The following MBL2 variants were observed in gnomAD, a reference collection of about 807,000 sequenced individuals.
MBL2 encodes mannose binding lectin 2.
A neutral mutation model predicts 12.7 loss-of-function variants in MBL2; 6 were observed. The ratio of observed to expected loss-of-function variants is 0.47; its 90% CI spans 0.26 to 0.94. The LOEUF (loss-of-function observed/expected upper bound fraction) is 0.94, where lower values mean the gene tolerates loss of function less well. Ranked by LOEUF, MBL2 falls within the 40% of genes least tolerant of loss-of-function variation. The pLI is 0.15. For missense variants in MBL2, 307 were observed against 295.2 expected (o/e 1.04, Z -0.29); for synonymous variants, 114 against 112.0 (o/e 1.02, Z -0.11).
chr10:52,768,301 AC>A lies in MBL2; in HGVS notation c.582del (p.Gln194HisfsTer5). On this transcript the variant is annotated frameshift_variant, in exon 5 of 5. Coordinates refer to ENST00000674931, the MANE Select transcript of MBL2 (RefSeq NM_001378373.1). LOFTEE classifies it low-confidence loss of function (END_TRUNC). ...AGTCTATTTCCTGTCAGATCCACAA[AC>A]TGCCCTTCTGTCTTCTCATCAGTGA... The part of the protein sequence containing the change: ...LGITDEKTEG[Q>X]FVDLTGNRLT... 1 of 1,613,842 alleles carries A rather than the reference AC, an allele frequency of 6.2e-7. No homozygotes were observed. Among genetic ancestry groups the A allele is most frequent in the South Asian group, 1.1e-5 (1 of 91,080 alleles).
chr10:52,771,613 G>A lies in MBL2; in HGVS notation c.23C>T (p.Pro8Leu), dbSNP rs1482691555. ...TGCCACCATACTCAGGAGAAGGAGA[G>A]GGAGTGATGGAAACAGGGACATGGT... Reference protein sequence around the residue: MSLFPSLPLLLLSMVAAS... With the variant: MSLFPSLLLLLLSMVAAS... Residue 8 changes from proline (P) to leucine (L), a missense_variant, in exon 2 of 5, where the codon CCT (proline) becomes CTT (leucine). Physicochemically the swap from Pro to Leu is moderately conservative, Grantham distance 98. Coordinates refer to ENST00000674931, the MANE Select transcript of MBL2 (RefSeq NM_001378373.1). 4 of 1,613,830 alleles carry A rather than the reference G, an allele frequency of 2.5e-6. No homozygotes were observed. The highest frequency in any genetic ancestry group is 1.7e-5 in the Admixed American group (1 of 59,996).
Position 52,766,217 on chromosome 10 carries a change from T to C in MBL2, c.*1920A>G, listed in dbSNP as rs1292365803. 1 of 152,144 alleles carries C rather than the reference T, an allele frequency of 6.6e-6. No individual in the cohort carries two copies. The highest frequency in any genetic ancestry group is 2.4e-5 in the African/African-American group (1 of 41,452). The allele number at this position is 152,144 out of a possible 1,614,324, so 9.4% of individuals were successfully genotyped here. A position where few individuals can be genotyped will look rare whatever the true frequency, so the allele number is the denominator to read the frequency against. The stretch of plus-strand genomic sequence containing the variant: ...AAACCTCATCAGGATTTTGTAGAAA[T>C]TGAGAAGCTGTTTCTAATATTTATA... On this transcript the variant is annotated 3_prime_UTR_variant, in exon 5 of 5. Transcript: ENST00000674931.
In MBL2 at chr10:52,768,173, G is replaced by A. The variant is rs1169369851; in HGVS notation, c.711C>T (p.Ser237=). The A allele has an allele frequency of 3.7e-6, 6 of 1,611,206 alleles. No individual in the cohort carries two copies. In the African/African-American group the frequency reaches 6.7e-5, roughly 18 times the overall value. The change falls in exon 5 of 5, where the codon TCC becomes TCT. Residue 237 remains serine (S), a synonymous_variant. Coordinates refer to ENST00000674931, the MANE Select transcript of MBL2 (RefSeq NM_001378373.1). ...KNGQWNDVPC[S]TSHLAVCEFP... Reference sequence around the variant, plus strand: ...ACTCACAGACGGCCAGATGGGAGGTGGAGCAGGGGACGTCATTCCACTGGC... The same window carrying A: ...ACTCACAGACGGCCAGATGGGAGGTAGAGCAGGGGACGTCATTCCACTGGC...
chr10:52,768,168 G>C lies in MBL2; in HGVS notation c.716C>G (p.Ser239Cys), dbSNP rs751367424. The C allele has an allele frequency of 6.2e-7, 1 of 1,610,446 alleles. No individual in the cohort carries two copies. The highest frequency in any genetic ancestry group is 1.1e-5 in the South Asian group (1 of 90,524). The change falls in exon 5 of 5, where the codon TCC (serine) becomes TGC (cysteine). Residue 239 changes from serine to cysteine, a missense_variant. Transcript: ENST00000674931. ...AGGGAACTCACAGACGGCCAGATGG[G>C]AGGTGGAGCAGGGGACGTCATTCCA... ...GQWNDVPCST[S>C]HLAVCEFPI
chr10:52,771,638 T>C lies in MBL2; in HGVS notation c.-3A>G, dbSNP rs1288179625. The C allele has an allele frequency of 6.2e-7, 1 of 1,612,886 alleles. No individual in the cohort carries two copies. Among genetic ancestry groups the C allele is most frequent in the African/African-American group, 1.3e-5 (1 of 74,884 alleles). Reference sequence around the variant, plus strand: ...GGGAGTGATGGAAACAGGGACATGGTCCTCACCTTGGTGTGAGAAAACTCA... The same window carrying C: ...GGGAGTGATGGAAACAGGGACATGGCCCTCACCTTGGTGTGAGAAAACTCA... On this transcript the variant is annotated 5_prime_UTR_variant, in exon 2 of 5. Coordinates refer to ENST00000674931, the MANE Select transcript of MBL2 (RefSeq NM_001378373.1).
rs932475937 is a variant in MBL2 at position 52,766,615 on chromosome 10, A to T, written c.*1522T>A. 2 of 152,120 alleles carry T rather than the reference A, an allele frequency of 1.3e-5. No homozygotes were observed. The highest frequency in any genetic ancestry group is 2.9e-5 in the Non-Finnish European group (2 of 68,012). The allele number at this position is 152,120 out of a possible 1,614,324, so 9.4% of individuals were successfully genotyped here. ...ATCTTATGATTTTGGGATGGGCAAA[A>T]ATTTCTTAAACATGACACAAAAAGC... On this transcript the variant is annotated 3_prime_UTR_variant, in exon 5 of 5. Transcript: ENST00000674931.
Position 52,765,538 on chromosome 10 carries a change from C to T in MBL2, c.*2599G>A, listed in dbSNP as rs1840293481. The T allele has an allele frequency of 6.6e-6, 1 of 152,258 alleles. No individual in the cohort carries two copies. Among genetic ancestry groups the T allele is most frequent in the South Asian group, 2.1e-4 (1 of 4,824 alleles). The allele number at this position is 152,258 out of a possible 1,614,324, so 9.4% of individuals were successfully genotyped here. A position where few individuals can be genotyped will look rare whatever the true frequency, so the allele number is the denominator to read the frequency against. The stretch of plus-strand genomic sequence containing the variant: ...TAAAATATAGTATCCTGATACTTTA[C>T]TACACACTTTAAAGGTGTTAACTTA... On this transcript the variant is annotated 3_prime_UTR_variant, in exon 5 of 5. Coordinates refer to ENST00000674931, the MANE Select transcript of MBL2 (RefSeq NM_001378373.1).
intron 4 of MBL2, among the ~76,000 whole-genome samples, chr10:52,768,991 A>G (rs1171508024): frequency 6.6e-6 from 1 of 152,006 alleles, no homozygotes; most frequent in Admixed American, 6.5e-5. Flanking sequence ...TCAGACGGTA[A>G]AGGATTAGGG....
In MBL2 at chr10:52,770,737, TG is replaced by T; in HGVS notation, c.236del (p.Pro79GlnfsTer62). The T allele has an allele frequency of 2.0e-6, 3 of 1,523,230 alleles. No homozygotes were observed. The highest frequency in any genetic ancestry group is 1.3e-5 in the South Asian group (1 of 78,500). The allele number at this position is 1,523,230 out of a possible 1,614,324, so 94.4% of individuals were successfully genotyped here. On this transcript the variant is annotated frameshift_variant, in exon 3 of 5. Coordinates refer to ENST00000674931, the MANE Select transcript of MBL2 (RefSeq NM_001378373.1). LOFTEE classifies it high-confidence loss of function. The part of the protein sequence containing the change: ...LQGPPGKLGP[P>X]GNPGPSGSPG... Reference sequence around the variant, plus strand: ...GTGACCCAGAAGGCCCTGGATTTCCTGGAGGCCCCAACTTTCCAGGGGGGCC... The same window carrying T: ...GTGACCCAGAAGGCCCTGGATTTCCTGAGGCCCCAACTTTCCAGGGGGGCC...
Position 52,765,488 on chromosome 10 carries a change from C to A in MBL2, c.*2649G>T, listed in dbSNP as rs186505323. 6.6e-6 allele frequency: 1 copy of A among 152,074 alleles called. No homozygotes were observed. Among genetic ancestry groups the A allele is most frequent in the Non-Finnish European group, 1.5e-5 (1 of 68,020 alleles). 9.4% of individuals were successfully genotyped at this position (152,074 alleles called of 1,614,324 possible). ...ATCTCATTAAAAAGCATGTATCTAGCGGCATAACTGTGTGTATTAAGACCT... is the reference window on the plus strand; with the variant it reads ...ATCTCATTAAAAAGCATGTATCTAGAGGCATAACTGTGTGTATTAAGACCT... On this transcript the variant is annotated 3_prime_UTR_variant, in exon 5 of 5. Coordinates refer to ENST00000674931, the MANE Select transcript of MBL2 (RefSeq NM_001378373.1).
At position 52,768,279 on chromosome 10, in the gene MBL2, C is replaced by G. The variant is rs375051927; in HGVS notation, c.605G>C (p.Arg202Thr). 10 of 1,613,686 alleles carry G rather than the reference C, an allele frequency of 6.2e-6. No individual in the cohort carries two copies. Among genetic ancestry groups the G allele is most frequent in the African/African-American group, 1.3e-5 (1 of 74,666 alleles). The stretch of plus-strand genomic sequence containing the variant: ...CTCGTTCCAGTTTGTGTAGGTCAGT[C>G]TATTTCCTGTCAGATCCACAAACTG... ...EGQFVDLTGN[R>T]LTYTNWNEGE... The change falls in exon 5 of 5, where the codon AGA becomes ACA. Residue 202 changes from arginine to threonine, a missense_variant. Coordinates refer to ENST00000674931, the MANE Select transcript of MBL2 (RefSeq NM_001378373.1).
chr10:52,771,869 G>T (rs72661124), intron 1 of MBL2, among the ~76,000 whole-genome samples: 34 of 152,264 alleles, frequency 2.2e-4, no homozygotes, highest in Middle Eastern at 3.4e-3. Context: ...CTAAGGAGGG[G>T]TTCATCTGTG....
chr10:52,768,894 T>C (rs1043963279), intron 4 of MBL2, among the ~76,000 whole-genome samples: 2 of 151,914 alleles, frequency 1.3e-5, no homozygotes, highest in Non-Finnish European at 2.9e-5. Flanking sequence ...TGTCTGAAAA[T>C]ATTTGCCCCA....
Position 52,768,008 on chromosome 10 carries a change from T to C in MBL2, c.*129A>G. 1 of 1,200,184 alleles carries C rather than the reference T, an allele frequency of 8.3e-7. No individual in the cohort carries two copies. The allele number at this position is 1,200,184 out of a possible 1,614,324, so 74.3% of individuals were successfully genotyped here. ...GCTTTGTTGGTGCTGTTAGTGATCA[T>C]TTTTAGTGATTGCCCACAAAAGGAA... On this transcript the variant is annotated 3_prime_UTR_variant, in exon 5 of 5. Transcript: ENST00000674931.
chr10:52,770,833 C>T (rs1293190390), intron 2 of MBL2, 47 bp from the exon 3 acceptor site: 1 of 1,108,482 alleles, frequency 9.0e-7, no homozygotes, highest in African/African-American at 1.6e-5. Context: ...TGTTCTTGCT[C>T]TCTCTCTTCA....
rs549261163 is a variant in MBL2 at position 52,766,347 on chromosome 10, C to T, written c.*1790G>A. 1 of 152,134 alleles carries T rather than the reference C, an allele frequency of 6.6e-6. No homozygotes were observed. Among genetic ancestry groups the T allele is most frequent in the South Asian group, 2.1e-4 (1 of 4,816 alleles). The allele number at this position is 152,134 out of a possible 1,614,324, so 9.4% of individuals were successfully genotyped here. A position where few individuals can be genotyped will look rare whatever the true frequency, so the allele number is the denominator to read the frequency against. ...TTTGACACAAGCATCAACAAATAGA[C>T]TAGAATAGACAGCCCAGAAACAGAC... On this transcript the variant is annotated 3_prime_UTR_variant, in exon 5 of 5. Coordinates refer to ENST00000674931, the MANE Select transcript of MBL2 (RefSeq NM_001378373.1).
rs191589143 is a variant in MBL2 at position 52,766,925 on chromosome 10, G to T, written c.*1212C>A. 6.6e-6 allele frequency: 1 copy of T among 152,084 alleles called. No homozygotes were observed. Among genetic ancestry groups the T allele is most frequent in the East Asian group, 1.9e-4 (1 of 5,168 alleles). 9.4% of individuals were successfully genotyped at this position (152,084 alleles called of 1,614,324 possible). On this transcript the variant is annotated 3_prime_UTR_variant, in exon 5 of 5. Coordinates refer to ENST00000674931, the MANE Select transcript of MBL2 (RefSeq NM_001378373.1). Reference sequence around the variant, plus strand: ...GTGTTCAACCTTATTACATGTTGGGGAAATACAGATTAAAACCATGGGGAA... The same window carrying T: ...GTGTTCAACCTTATTACATGTTGGGTAAATACAGATTAAAACCATGGGGAA...
At chr10:52,771,388 T>G in intron 2 of MBL2, 61 bp downstream of exon 2, 1 of 1,581,250 alleles carries the variant, frequency 6.3e-7, no homozygotes, top group Non-Finnish European at 8.6e-7. Flanking sequence ...TCTCCTCATA[T>G]CCCCAGGCAG....
rs747599901 is a variant in MBL2, at chr10:52,768,231, G to A, written c.653C>T (p.Ser218Phe). 6.2e-7 allele frequency: 1 copy of A among 1,613,880 alleles called. No homozygotes were observed. The highest frequency in any genetic ancestry group is 8.5e-7 in the Non-Finnish European group (1 of 1,180,016). ...WNEGEPNNAG[S>F]DEDCVLLLKN... ...CAGTAGCAATACACAATCTTCATCA[G>A]AACCAGCATTGTTGGGTTCACCCTC... Residue 218 changes from serine to phenylalanine, a missense_variant, in exon 5 of 5, where the codon TCT (serine) becomes TTT (phenylalanine). Ser to Phe is a radical substitution (Grantham distance 155, BLOSUM62 -2). Coordinates refer to ENST00000674931, the MANE Select transcript of MBL2 (RefSeq NM_001378373.1).
Sources: allele counts gnomAD v4.1 joint callset (sites outside exome capture counted in the v4.1 genomes callset), GRCh38; gene constraint gnomAD v4.1.1; transcripts MANE v1.5; gene names NCBI Gene and HGNC (gene_info 2026-07-23, HGNC 2026-07-21).